RANBP2: variants seen among roughly 807,000 people sequenced by gnomAD.
The protein encoded by RANBP2 is RAN binding protein 2, also known as E3 SUMO-protein ligase RanBP2.
Under a neutral mutation model 303.6 loss-of-function variants are expected in RANBP2, and 57 were observed. The observed-to-expected ratio is 0.19, with a 90% confidence interval of 0.15 to 0.23. RANBP2 has a LOEUF of 0.23. RANBP2 is among the 10% of genes least tolerant of loss of function. The probability of loss-of-function intolerance (pLI) is 1.00; values close to 1 mark genes in which losing one functional copy is unlikely to be tolerated. For missense variants in RANBP2, 3,138 were observed against 3,780.8 expected, an observed-to-expected ratio of 0.83 and a Z score of 4.46; for synonymous variants, 1,167 against 1,301.5, an observed-to-expected ratio of 0.90 and a Z score of 2.23.
chr2:109,723,702 C>T, the RANBP2 span, among the ~76,000 whole-genome samples: 2 of 152,020 alleles, frequency 1.3e-5, no homozygotes, highest in African/African-American at 4.8e-5. Flanking sequence ...AACTTTTCTC[C>T]CATTCTGTAT....
At chr2:109,290,808 G>A in the RANBP2 span, among the ~76,000 whole-genome samples, 1 of 152,194 alleles carries the variant, frequency 6.6e-6, no homozygotes, top group Non-Finnish European at 1.5e-5. Context: ...ACTCTTGATG[G>A]CTTCTAACAA....
chr2:108,776,736 T>G (rs1467618250), intron 24 of RANBP2, among the ~76,000 whole-genome samples: 1 of 152,184 alleles, frequency 6.6e-6, no homozygotes, highest in African/African-American at 2.4e-5. Context: ...TTTATGAGCT[T>G]ATTTATAGTA....
At chr2:109,493,015 C>T in the RANBP2 span, among the ~76,000 whole-genome samples, 1 of 151,784 alleles carries the variant, frequency 6.6e-6, no homozygotes, top group African/African-American at 2.4e-5. Context: ...CATACACTCA[C>T]CACACATACA....
At chr2:109,604,665 T>C in the RANBP2 span, among the ~76,000 whole-genome samples, 1 of 147,702 alleles carries the variant, frequency 6.8e-6, no homozygotes, top group South Asian at 2.2e-4. Flanking sequence ...AGGCGGAGCT[T>C]ACAGTGAGCC....
chr2:109,423,000 G>A, the RANBP2 span, among the ~76,000 whole-genome samples: 128 of 152,276 alleles, frequency 8.4e-4, no homozygotes, highest in Middle Eastern at 6.8e-3. Context: ...TGAGAGCAAC[G>A]GAACTCTTGG....
the RANBP2 span, among the ~76,000 whole-genome samples, chr2:109,675,815 T>C: frequency 1.3e-5 from 2 of 152,324 alleles, no homozygotes; most frequent in East Asian, 3.9e-4. Flanking sequence ...TTGACAACTG[T>C]GGAGCAGAAC....
the RANBP2 span, among the ~76,000 whole-genome samples, chr2:109,193,845 T>C: frequency 6.6e-6 from 1 of 152,168 alleles, no homozygotes; most frequent in African/African-American, 2.4e-5. Context: ...TTAAGTCTCG[T>C]CTAGCCCCGG....
the RANBP2 span, chr2:108,873,449 A>G: frequency 6.3e-7 from 1 of 1,584,516 alleles, no homozygotes; most frequent in Non-Finnish European, 8.6e-7. Context: ...TTTGTTTTGC[A>G]GAATCCTTGC....
chr2:108,979,422 GTCTC>G, the RANBP2 span, among the ~76,000 whole-genome samples: 1 of 43,228 alleles, frequency 2.3e-5, no homozygotes, highest in East Asian at 2.4e-4. Flanking sequence ...TTTGGTTGCT[GTCTC>G]TCTCTCTCTT....
chr2:109,282,300 G>A, the RANBP2 span, among the ~76,000 whole-genome samples: 1 of 129,140 alleles, frequency 7.7e-6, no homozygotes, highest in African/African-American at 2.9e-5. Context: ...TTAGTCTAAC[G>A]TGTTCATAAT....
the RANBP2 span, among the ~76,000 whole-genome samples, chr2:109,037,392 T>C: frequency 2.0e-5 from 3 of 150,068 alleles, no homozygotes; most frequent in African/African-American, 7.4e-5. Context: ...CTCCCTAAGA[T>C]TGGGAAAGAG....
chr2:109,130,236 G>A, the RANBP2 span: 13 of 940,348 alleles, frequency 1.4e-5, no homozygotes, highest in South Asian at 1.0e-4. Flanking sequence ...GGCCCACTCC[G>A]CTGTTGCTCT....
chr2:109,677,283 C>G, the RANBP2 span, among the ~76,000 whole-genome samples: 1,011 of 152,300 alleles, frequency 6.6e-3, 7 homozygotes, highest in African/African-American at 0.021. Context: ...TCAGATCCCA[C>G]CACCCAGCTT....
chr2:109,054,149 C>A, the RANBP2 span, among the ~76,000 whole-genome samples: 1 of 152,192 alleles, frequency 6.6e-6, no homozygotes, highest in Admixed American at 6.5e-5. Context: ...GCTCCCATTA[C>A]AGTCTGGGGC....
At chr2:108,823,714 C>T in the RANBP2 span, among the ~76,000 whole-genome samples, 1 of 152,218 alleles carries the variant, frequency 6.6e-6, no homozygotes, top group African/African-American at 2.4e-5. Flanking sequence ...GGCTCAGTGG[C>T]TCATGCCTGT....
chr2:108,744,133 G>A lies in RANBP2; in HGVS notation c.976-2578G>A, dbSNP rs185112517. On this transcript the variant is annotated intron_variant, in intron 7 of 28. Coordinates refer to ENST00000283195, the MANE Select transcript of RANBP2 (RefSeq NM_006267.5). ...TAAGATGAGGAAATAGCCAGGCACG[G>A]TGGCTCACGCCTATGATCTTAGCAC... is the stretch of plus-strand genomic sequence containing the variant. Among the ~76,000 whole-genome samples the A allele has an allele frequency of 5.9e-5, 9 of 152,342 alleles. No homozygotes were observed. In the East Asian group the frequency reaches 1.3e-3, roughly 23 times the overall value.
chr2:109,742,387 C>T, the RANBP2 span, among the ~76,000 whole-genome samples: 1 of 137,958 alleles, frequency 7.2e-6, no homozygotes, highest in African/African-American at 2.9e-5. Context: ...TGCCATTGCA[C>T]TCCAGCCTGG....
the RANBP2 span, among the ~76,000 whole-genome samples, chr2:108,858,027 A>T: frequency 2.0e-5 from 3 of 152,234 alleles, no homozygotes; most frequent in Admixed American, 2.0e-4. Flanking sequence ...AGTCAGTCAC[A>T]TTTGTTTACC....
rs1302799073 is a variant in RANBP2, at chr2:108,754,908, C to T, written c.2206C>T (p.Pro736Ser). The change falls in exon 16 of 29, where the codon CCT (proline) becomes TCT (serine). Residue 736 changes from proline (P) to serine (S), a missense_variant. Transcript: ENST00000283195. ...AATTAATGTCTTTTATTTTTAGTTGCCTGTGCCCCTGGAGTCTGTAAAAGA... is the reference window on the plus strand; with the variant it reads ...AATTAATGTCTTTTATTTTTAGTTGTCTGTGCCCCTGGAGTCTGTAAAAGA... ...DSNLSVVKKLPVPLESVKEML... is the reference protein window; with the variant it reads ...DSNLSVVKKLSVPLESVKEML... 1 of 1,611,450 alleles carries T rather than the reference C, an allele frequency of 6.2e-7. No individual in the cohort carries two copies. The highest frequency in any genetic ancestry group is 8.5e-7 in the Non-Finnish European group (1 of 1,179,726).
Sources: allele counts gnomAD v4.1 joint callset (sites outside exome capture counted in the v4.1 genomes callset), GRCh38; gene constraint gnomAD v4.1.1; transcripts MANE v1.5; gene names NCBI Gene and HGNC (gene_info 2026-07-23, HGNC 2026-07-21).